PLXDC2: variants seen among roughly 807,000 people sequenced by gnomAD.
PLXDC2 encodes the protein plexin domain-containing protein 2.
Under a neutral mutation model 68.9 loss-of-function variants are expected in PLXDC2, and 40 were observed. The observed-to-expected ratio is 0.58, with a 90% CI of 0.45 to 0.76. The LOEUF (loss-of-function observed/expected upper bound fraction) is 0.76, where lower values mean the gene tolerates loss of function less well. PLXDC2 is among the 30% of genes least tolerant of loss of function. The probability of loss-of-function intolerance (pLI) is 0.00; values close to 1 mark genes in which losing one functional copy is unlikely to be tolerated. For synonymous variants in PLXDC2, 243 were observed against 234.2 expected (o/e 1.04, Z -0.34); for missense variants, 644 against 661.9 (o/e 0.97, Z 0.30).
At chr10:19,853,011 G>C (rs1589501379) in intron 1 of PLXDC2, among the ~76,000 whole-genome samples, 1 of 152,164 alleles carries the variant, frequency 6.6e-6, no homozygotes, top group Admixed American at 6.5e-5. Flanking sequence ...AAGGTAATTT[G>C]AATCTTGGAC....
At chr10:19,847,864 C>G (rs1837039548) in intron 1 of PLXDC2, among the ~76,000 whole-genome samples, 2 of 152,186 alleles carry the variant, frequency 1.3e-5, no homozygotes, top group Non-Finnish European at 2.9e-5. Flanking sequence ...TGGGATTACA[C>G]AATTAGTAAA....
chr10:20,087,839 T>A (rs1470932148), intron 4 of PLXDC2, among the ~76,000 whole-genome samples: 1 of 152,192 alleles, frequency 6.6e-6, no homozygotes, highest in Admixed American at 6.5e-5. Context: ...TCATCCGAAT[T>A]TTTTTATTAA....
chr10:20,106,124 A>T (rs1833488171), intron 4 of PLXDC2, among the ~76,000 whole-genome samples: 1 of 152,222 alleles, frequency 6.6e-6, no homozygotes, highest in Non-Finnish European at 1.5e-5. Context: ...CTTGTTAACC[A>T]CATTCATTTC....
chr10:20,120,708 C>G (rs1160204896), intron 4 of PLXDC2, among the ~76,000 whole-genome samples: 2 of 152,022 alleles, frequency 1.3e-5, no homozygotes, highest in East Asian at 1.9e-4. Context: ...GGCAAATCCT[C>G]GAGCTTCATG....
At chr10:19,823,456 G>A (rs1018172062) in intron 1 of PLXDC2, among the ~76,000 whole-genome samples, 20 of 151,476 alleles carry the variant, frequency 1.3e-4, no homozygotes, top group African/African-American at 4.6e-4. Context: ...GGTGGAGGTG[G>A]GTAGATCAAG....
intron 2 of PLXDC2, among the ~76,000 whole-genome samples, chr10:20,007,428 C>G (rs1835044380): frequency 6.6e-6 from 1 of 152,188 alleles, no homozygotes; most frequent in African/African-American, 2.4e-5. Context: ...TGGTTTTGAA[C>G]ACTTATTCAC....
At chr10:19,857,396 G>A (rs1024995496) in intron 1 of PLXDC2, among the ~76,000 whole-genome samples, 4 of 152,166 alleles carry the variant, frequency 2.6e-5, no homozygotes, top group African/African-American at 4.8e-5. Context: ...CCAATCAACT[G>A]AGGGATAAGA....
At chr10:20,008,902 C>T (rs1028454843) in intron 2 of PLXDC2, among the ~76,000 whole-genome samples, 5 of 152,156 alleles carry the variant, frequency 3.3e-5, no homozygotes, top group South Asian at 2.1e-4. Flanking sequence ...CACCTTCTGC[C>T]GTGATTGTCA....
At chr10:20,085,984 A>T (rs1043686991) in intron 4 of PLXDC2, among the ~76,000 whole-genome samples, 8 of 152,212 alleles carry the variant, frequency 5.3e-5, no homozygotes, top group African/African-American at 1.7e-4. Flanking sequence ...CCTCAATAGA[A>T]TCTAATTACT....
chr10:20,265,925 T>C (rs953738236), intron 13 of PLXDC2, among the ~76,000 whole-genome samples: 1 of 152,160 alleles, frequency 6.6e-6, no homozygotes, highest in African/African-American at 2.4e-5. Flanking sequence ...CAACGGGATA[T>C]ACGGTCCCCG....
At chr10:20,193,704 C>G (rs1415483307) in intron 9 of PLXDC2, among the ~76,000 whole-genome samples, 1 of 152,054 alleles carries the variant, frequency 6.6e-6, no homozygotes, top group Admixed American at 6.6e-5. Flanking sequence ...AACTACAAGT[C>G]TAAGAGTGCT....
chr10:19,955,943 G>T (rs955914886), intron 1 of PLXDC2, among the ~76,000 whole-genome samples: 7 of 152,198 alleles, frequency 4.6e-5, no homozygotes, highest in Admixed American at 2.6e-4. Context: ...GCCAGGCATG[G>T]TGGCGGACAC....
At chr10:20,094,989 A>G (rs1833329228) in intron 4 of PLXDC2, among the ~76,000 whole-genome samples, 1 of 152,220 alleles carries the variant, frequency 6.6e-6, no homozygotes, top group African/African-American at 2.4e-5. Context: ...GAACTGCACA[A>G]TTAGAAAAGT....
intron 12 of PLXDC2, among the ~76,000 whole-genome samples, chr10:20,225,110 A>G (rs924219844): frequency 2.0e-5 from 3 of 152,354 alleles, no homozygotes; most frequent in Admixed American, 1.3e-4. Flanking sequence ...ATGAAGTCCT[A>G]TGGAATGGCT....
In PLXDC2 at chr10:19,911,245, G is replaced by A. The variant is rs572818203; in HGVS notation, c.113-90530G>A. Reference sequence around the variant, plus strand: ...AGAAACATGAAAGGAATCATTGAGCGTGTTGATCATTCTGAGATAGTGCTA... The same window carrying A: ...AGAAACATGAAAGGAATCATTGAGCATGTTGATCATTCTGAGATAGTGCTA... On this transcript the variant is annotated intron_variant, in intron 1 of 13. Transcript: ENST00000377252. 2.3e-4 allele frequency among the ~76,000 whole-genome samples: 35 copies of A among 151,950 alleles called. No individual in the cohort carries two copies. The South Asian group carries it at 2.5e-3, about 11-fold the overall frequency.
At chr10:19,942,098 T>G (rs1049144522) in intron 1 of PLXDC2, among the ~76,000 whole-genome samples, 1 of 152,294 alleles carries the variant, frequency 6.6e-6, no homozygotes. Flanking sequence ...TTTATTTAAC[T>G]ATCTACAGTG....
intron 9 of PLXDC2, among the ~76,000 whole-genome samples, chr10:20,187,787 G>C (rs191522278): frequency 5.3e-5 from 8 of 151,812 alleles, no homozygotes; most frequent in Non-Finnish European, 1.0e-4. Flanking sequence ...AATCGATCTC[G>C]ATGACACTTT....
chr10:20,112,382 G>C (rs1456170891), intron 4 of PLXDC2, among the ~76,000 whole-genome samples: 1 of 149,718 alleles, frequency 6.7e-6, no homozygotes, highest in Non-Finnish European at 1.5e-5. Flanking sequence ...TATTCACTCT[G>C]ACATTAGCCT....
intron 2 of PLXDC2, among the ~76,000 whole-genome samples, chr10:20,015,596 C>T (rs1043785955): frequency 6.6e-6 from 1 of 151,978 alleles, no homozygotes; most frequent in East Asian, 1.9e-4. Context: ...TCCATTTGCT[C>T]CACTGAATTC....
Sources: gnomAD v4.1 joint callset for allele counts (sites outside exome capture counted in the v4.1 genomes callset) on GRCh38, gnomAD v4.1.1 for gene constraint, MANE v1.5 for transcripts, NCBI Gene and HGNC (gene_info 2026-07-23, HGNC 2026-07-21) for gene names.